Variants in ZMAT4 observed in about 807,000 individuals in gnomAD.
The protein encoded by ZMAT4 is zinc finger matrin-type protein 4.
ZMAT4 carries 17 observed loss-of-function variants against 28.7 expected under a neutral mutation model. That is an observed-to-expected ratio of 0.59 (90% CI 0.41 to 0.89). The LOEUF (loss-of-function observed/expected upper bound fraction) is 0.89. Ranked by LOEUF, ZMAT4 falls within the 40% of genes least tolerant of loss-of-function variation. ZMAT4 has a pLI of 0.00. For missense variants in ZMAT4, 240 were observed against 283.8 expected (o/e 0.85, Z 1.11); for synonymous variants, 117 against 109.2 (o/e 1.07, Z -0.44).
chr8:40,741,733 T>A (rs1325262453), intron 3 of ZMAT4, among the ~76,000 whole-genome samples: 2 of 152,200 alleles, frequency 1.3e-5, no homozygotes, highest in African/African-American at 4.8e-5. Context: ...CATTGAATTG[T>A]GGCAATGACA....
At chr8:40,878,330 GA>G (rs1293840641) in intron 1 of ZMAT4, among the ~76,000 whole-genome samples, 1 of 152,098 alleles carries the variant, frequency 6.6e-6, no homozygotes, top group Non-Finnish European at 1.5e-5. Context: ...ATGGTGTTAA[GA>G]ATGAATTAAA....
At chr8:40,853,495 G>A (rs1817187666) in intron 1 of ZMAT4, among the ~76,000 whole-genome samples, 1 of 152,136 alleles carries the variant, frequency 6.6e-6, no homozygotes, top group Non-Finnish European at 1.5e-5. Context: ...GGAAGAGGTT[G>A]CAGTGAGCCA....
intron 5 of ZMAT4, among the ~76,000 whole-genome samples, chr8:40,623,614 A>T (rs56191700): frequency 0.24 from 36,967 of 152,086 alleles, 5,512 homozygotes; most frequent in Non-Finnish European, 0.34. Flanking sequence ...CTTGCCTATG[A>T]CTATCAGAAA....
intron 1 of ZMAT4, among the ~76,000 whole-genome samples, chr8:40,843,105 A>G (rs1816758845): frequency 6.6e-6 from 1 of 152,192 alleles, no homozygotes; most frequent in Non-Finnish European, 1.5e-5. Context: ...TGACTTCTCC[A>G]AAGCATCTGT....
chr8:40,717,507 A>G (rs1256825212), intron 3 of ZMAT4, among the ~76,000 whole-genome samples: 1 of 151,976 alleles, frequency 6.6e-6, no homozygotes, highest in Admixed American at 6.6e-5. Flanking sequence ...AAGAATAAAA[A>G]ATAACTAGCC....
chr8:40,766,165 C>G (rs954641316), intron 3 of ZMAT4, among the ~76,000 whole-genome samples: 1 of 152,178 alleles, frequency 6.6e-6, no homozygotes. Flanking sequence ...TGACCAGAGC[C>G]CCTTGGCATG....
At chr8:40,717,417 G>A (rs1236942834) in intron 3 of ZMAT4, among the ~76,000 whole-genome samples, 1 of 152,196 alleles carries the variant, frequency 6.6e-6, no homozygotes, top group Admixed American at 6.5e-5. Context: ...CACTTTGGGA[G>A]GTCCAGGCAG....
At chr8:40,570,828 C>T (rs1305860356) in intron 6 of ZMAT4, among the ~76,000 whole-genome samples, 1 of 152,180 alleles carries the variant, frequency 6.6e-6, no homozygotes, top group Non-Finnish European at 1.5e-5. Context: ...CTCTGGCCAT[C>T]TGCTTCCCAG....
At chr8:40,798,733 C>T (rs1259463936) in intron 2 of ZMAT4, among the ~76,000 whole-genome samples, 5 of 152,218 alleles carry the variant, frequency 3.3e-5, no homozygotes, top group Non-Finnish European at 5.9e-5. Flanking sequence ...GCCTTTATTG[C>T]TATTGCTACT....
At chr8:40,892,871 G>C (rs1323594496) in intron 1 of ZMAT4, among the ~76,000 whole-genome samples, 2 of 152,216 alleles carry the variant, frequency 1.3e-5, no homozygotes, top group Non-Finnish European at 2.9e-5. Context: ...AGAGGGCACA[G>C]ATGCCTGCAC....
rs58513087 is a variant in ZMAT4, at chr8:40,723,542, C to CAAAAAAA, written c.193-26148_193-26142dup. On this transcript the variant is annotated intron_variant, in intron 3 of 6. Coordinates refer to ENST00000297737, the MANE Select transcript of ZMAT4 (RefSeq NM_024645.3). ...TGGGTGACACAGCAAGATTCCATCT[C>CAAAAAAA]AAAAAAAAAAAAAAAAAAAAAAAGA... Among the ~76,000 whole-genome samples, 57 of 66,760 alleles carry CAAAAAAA rather than the reference C, an allele frequency of 8.5e-4. 3 individuals are homozygous for CAAAAAAA. The highest frequency in any genetic ancestry group is 1.8e-3 in the South Asian group (2 of 1,110). The allele number at this position is 66,760 out of a possible 152,430, so 43.8% of individuals were successfully genotyped here.
intron 5 of ZMAT4, among the ~76,000 whole-genome samples, chr8:40,601,645 A>AG (rs1805374335): frequency 6.4e-5 from 2 of 31,400 alleles, no homozygotes; most frequent in African/African-American, 1.0e-4. Context: ...AGAAAGAAAG[A>AG]AAGAAAGAAA....
intron 3 of ZMAT4, among the ~76,000 whole-genome samples, chr8:40,717,361 A>G (rs550006591): frequency 6.6e-6 from 1 of 152,318 alleles, no homozygotes; most frequent in South Asian, 2.1e-4. Context: ...AATACTCAAA[A>G]TAAAGCATTC....
intron 3 of ZMAT4, among the ~76,000 whole-genome samples, chr8:40,721,186 A>G (rs1186229994): frequency 7.1e-6 from 1 of 140,580 alleles, no homozygotes; most frequent in African/African-American, 2.7e-5. Flanking sequence ...TGTCCATGTG[A>G]TCTCATTGTT....
chr8:40,626,281 C>T (rs535386230), intron 5 of ZMAT4, among the ~76,000 whole-genome samples: 1 of 151,280 alleles, frequency 6.6e-6, no homozygotes, highest in Non-Finnish European at 1.5e-5. Flanking sequence ...GGAAGTGCAG[C>T]TAGTGAGGAG....
chr8:40,551,580 C>G (rs1405126062), intron 6 of ZMAT4, among the ~76,000 whole-genome samples: 2 of 152,120 alleles, frequency 1.3e-5, no homozygotes, highest in Admixed American at 6.6e-5. Context: ...TCAACCATAC[C>G]TCTGAGCGGG....
chr8:40,884,944 T>C (rs1321579156), intron 1 of ZMAT4: 1 of 152,216 alleles, frequency 6.6e-6, no homozygotes, highest in East Asian at 1.9e-4. Context: ...AAATATCTAC[T>C]ATCTGGCTCT....
rs77794777 is a variant in ZMAT4, at chr8:40,839,648, C to T, written c.-4-13968G>A. Among the ~76,000 whole-genome samples the T allele has an allele frequency of 5.9e-3, 892 of 152,320 alleles. 8 individuals carry two copies. Among genetic ancestry groups the T allele is most frequent in the South Asian group, 0.021 (100 of 4,824 alleles). Reference sequence around the variant, plus strand: ...CAGTCATAAAAAGAATGAAATCACACCTTTTGCAGCAACATGAATGGATTG... The same window carrying T: ...CAGTCATAAAAAGAATGAAATCACATCTTTTGCAGCAACATGAATGGATTG... On this transcript the variant is annotated intron_variant, in intron 1 of 6. Transcript: ENST00000297737.
chr8:40,620,183 G>A (rs1445099505), intron 5 of ZMAT4, among the ~76,000 whole-genome samples: 1 of 152,202 alleles, frequency 6.6e-6, no homozygotes, highest in African/African-American at 2.4e-5. Context: ...TAGGGTATGC[G>A]TACTGACCAC....
Sources: allele counts gnomAD v4.1 joint callset (sites outside exome capture counted in the v4.1 genomes callset), GRCh38; gene constraint gnomAD v4.1.1; transcripts MANE v1.5; gene names NCBI Gene and HGNC (gene_info 2026-07-23, HGNC 2026-07-21).